Variants in TBC1D5 observed in about 807,000 individuals in gnomAD.
TBC1D5 encodes the protein TBC1 domain family, member 5.
Under a neutral mutation model 100.3 loss-of-function variants are expected in TBC1D5, and 75 were observed. That is an observed-to-expected ratio of 0.75 (90% CI 0.62 to 0.91). TBC1D5 has a LOEUF of 0.91. Among genes scored for constraint, TBC1D5 ranks in the 40% least tolerant of loss-of-function variants. The probability of loss-of-function intolerance (pLI) is 0.00; values close to 1 mark genes in which losing one functional copy is unlikely to be tolerated. For missense variants in TBC1D5, 910 were observed against 942.4 expected, an observed-to-expected ratio of 0.97 and a Z score of 0.45; for synonymous variants, 323 against 325.6, an observed-to-expected ratio of 0.99 and a Z score of 0.09.
chr3:17,450,285 C>T (rs536329795), intron 3 of TBC1D5, among the ~76,000 whole-genome samples: 64 of 152,208 alleles, frequency 4.2e-4, no homozygotes, highest in African/African-American at 1.5e-3. Context: ...GAAAAAACAG[C>T]GCAAAAATGC....
chr3:17,193,620 C>T (rs985926942), intron 18 of TBC1D5, among the ~76,000 whole-genome samples: 1 of 152,098 alleles, frequency 6.6e-6, no homozygotes, highest in African/African-American at 2.4e-5. Flanking sequence ...TAAAAAAGAT[C>T]TTCATTTCTT....
chr3:17,352,878 T>C (rs1446672369), intron 13 of TBC1D5, among the ~76,000 whole-genome samples: 3 of 152,006 alleles, frequency 2.0e-5, no homozygotes, highest in Admixed American at 2.0e-4. Flanking sequence ...CTAATACCAC[T>C]CAAGTCCAAC....
chr3:17,179,869 T>C (rs1050476185), intron 19 of TBC1D5, among the ~76,000 whole-genome samples: 15 of 152,172 alleles, frequency 9.9e-5, no homozygotes, highest in Admixed American at 2.6e-4. Context: ...AACACTTCCA[T>C]TGGGAGCAGG....
chr3:17,284,263 C>T (rs1016744557), intron 15 of TBC1D5, among the ~76,000 whole-genome samples: 1 of 151,850 alleles, frequency 6.6e-6, no homozygotes, highest in East Asian at 1.9e-4. Flanking sequence ...GATTACAGGC[C>T]CCTGCCACCA....
At chr3:17,419,394 T>C (rs2094156134) in intron 4 of TBC1D5, among the ~76,000 whole-genome samples, 1 of 152,204 alleles carries the variant, frequency 6.6e-6, no homozygotes, top group South Asian at 2.1e-4. Flanking sequence ...ATGCCTATGG[T>C]TCCCAAGGCC....
chr3:17,545,802 A>C (rs1271477985), intron 2 of TBC1D5, among the ~76,000 whole-genome samples: 4 of 152,210 alleles, frequency 2.6e-5, no homozygotes, highest in Non-Finnish European at 4.4e-5. Flanking sequence ...TCCTTAGCAC[A>C]AACCTTCAAA....
chr3:17,717,251 A>T (rs1347615728), intron 1 of TBC1D5, among the ~76,000 whole-genome samples: 1 of 106,314 alleles, frequency 9.4e-6, no homozygotes, highest in Admixed American at 1.1e-4. Context: ...GCAGTAAAGG[A>T]TTTTTCAAAA....
intron 13 of TBC1D5, among the ~76,000 whole-genome samples, chr3:17,319,437 T>G (rs1271832923): frequency 3.8e-5 from 1 of 26,178 alleles, no homozygotes; most frequent in Non-Finnish European, 7.5e-5. Context: ...ATTTATAGGT[T>G]TTTTTTTTTT....
intron 1 of TBC1D5, among the ~76,000 whole-genome samples, chr3:17,728,916 T>A (rs1389956800): frequency 6.8e-6 from 1 of 147,858 alleles, no homozygotes; most frequent in Admixed American, 7.0e-5. Context: ...ATAAGAATTT[T>A]AAAAATATAT....
intron 4 of TBC1D5, among the ~76,000 whole-genome samples, chr3:17,414,724 G>A (rs1404174645): frequency 6.6e-6 from 1 of 152,162 alleles, no homozygotes. Context: ...CACAGGTAAT[G>A]AGGGAACTCA....
chr3:17,389,429 A>G (rs543459729), intron 8 of TBC1D5, among the ~76,000 whole-genome samples: 1 of 152,188 alleles, frequency 6.6e-6, no homozygotes, highest in African/African-American at 2.4e-5. Context: ...CAAAAAATAA[A>G]CGTGTCAAAA....
intron 2 of TBC1D5, among the ~76,000 whole-genome samples, chr3:17,566,407 A>T (rs1398797685): frequency 6.6e-6 from 1 of 151,988 alleles, no homozygotes; most frequent in Admixed American, 6.6e-5. Flanking sequence ...TACTGAAGGT[A>T]ACAGGTAACA....
At chr3:17,722,114 T>A (rs778139511) in intron 1 of TBC1D5, among the ~76,000 whole-genome samples, 1 of 152,216 alleles carries the variant, frequency 6.6e-6, no homozygotes, top group Non-Finnish European at 1.5e-5. Flanking sequence ...TCTGATATTT[T>A]CTTGCCTTCA....
intron 3 of TBC1D5, among the ~76,000 whole-genome samples, chr3:17,492,313 G>A (rs1008452837): frequency 4.6e-5 from 7 of 151,908 alleles, no homozygotes; most frequent in African/African-American, 1.7e-4. Context: ...GTTATTTCTT[G>A]CATTCATTCT....
intron 13 of TBC1D5, among the ~76,000 whole-genome samples, chr3:17,363,053 T>C (rs569287609): frequency 5.3e-5 from 8 of 152,198 alleles, no homozygotes; most frequent in Non-Finnish European, 1.0e-4. Flanking sequence ...CTCATTTCAT[T>C]TATTTTCTGT....
intron 19 of TBC1D5, among the ~76,000 whole-genome samples, chr3:17,176,841 C>T (rs935735487): frequency 1.3e-5 from 2 of 150,518 alleles, no homozygotes; most frequent in African/African-American, 4.9e-5. Flanking sequence ...AGAACTATTA[C>T]TAACCAGAAA....
chr3:17,404,995 A>C (rs1445184667), intron 5 of TBC1D5, 34 bp from the exon 6 acceptor site: 1 of 1,382,842 alleles, frequency 7.2e-7, no homozygotes, highest in Admixed American at 2.1e-5. Context: ...TTTTGTAAAA[A>C]TCTTAAGATA....
chr3:17,618,934 T>C (rs1416109127), intron 2 of TBC1D5, among the ~76,000 whole-genome samples: 1 of 152,210 alleles, frequency 6.6e-6, no homozygotes, highest in Non-Finnish European at 1.5e-5. Flanking sequence ...CCCAGTGAGA[T>C]GAACCAGGTA....
chr3:17,545,831 CA>C (rs796328971), intron 2 of TBC1D5, among the ~76,000 whole-genome samples: 12 of 152,222 alleles, frequency 7.9e-5, no homozygotes, highest in African/African-American at 2.4e-4. Context: ...TTTCTTTCTC[CA>C]AACCATCATG....
Sources: gnomAD v4.1 joint callset for allele counts (sites outside exome capture counted in the v4.1 genomes callset) on GRCh38, gnomAD v4.1.1 for gene constraint, MANE v1.5 for transcripts, NCBI Gene and HGNC (gene_info 2026-07-23, HGNC 2026-07-21) for gene names.